The following MACROD1 variants were observed in gnomAD, a reference collection of about 807,000 sequenced individuals.
MACROD1 encodes the protein ADP-ribose glycohydrolase MACROD1.
A neutral mutation model predicts 41.4 loss-of-function variants in MACROD1; 31 were observed. The ratio of observed to expected loss-of-function variants is 0.75; its 90% CI spans 0.56 to 1.01. The LOEUF is 1.01. Among genes scored for constraint, MACROD1 ranks in the 50% least tolerant of loss-of-function variants. MACROD1 has a pLI of 0.00. For missense variants in MACROD1, 473 were observed against 460.0 expected, an observed-to-expected ratio of 1.03 and a Z score of -0.26; for synonymous variants, 252 against 203.4, an observed-to-expected ratio of 1.24 and a Z score of -2.03.
intron 3 of MACROD1, among the ~76,000 whole-genome samples, chr11:64,049,662 G>A (rs1182391450): frequency 1.3e-5 from 2 of 152,232 alleles, no homozygotes; most frequent in African/African-American, 2.4e-5. Flanking sequence ...GGTGGACGCT[G>A]GGGGTGCAGA....
intron 3 of MACROD1, among the ~76,000 whole-genome samples, chr11:64,125,474 C>G (rs1255024179): frequency 1.3e-5 from 2 of 152,260 alleles, no homozygotes; most frequent in Non-Finnish European, 2.9e-5. Context: ...CTCCTCCTCT[C>G]ACTTCCTCCC....
chr11:64,019,793 G>T (rs1374771283), intron 3 of MACROD1, among the ~76,000 whole-genome samples: 1 of 152,198 alleles, frequency 6.6e-6, no homozygotes, highest in Admixed American at 6.5e-5. Flanking sequence ...GAGGGGAATG[G>T]GGGCGTGTGG....
Position 64,122,844 on chromosome 11 carries a change from C to G in MACROD1, c.517+28395G>C, listed in dbSNP as rs916340439. ...CCTGAGCAGAGGACAGGCTGGGACC[C>G]AAGGCTGCCTCGGAACCTGTGCCTC... On this transcript the variant is annotated intron_variant, in intron 3 of 10. Coordinates refer to ENST00000255681, the MANE Select transcript of MACROD1 (RefSeq NM_014067.4). This position sits in a 1 kb window ranked among gnomAD's most constrained non-coding sequence, Gnocchi z 4.0. 4.6e-5 allele frequency among the ~76,000 whole-genome samples: 7 copies of G among 152,156 alleles called. No homozygotes were observed. Among genetic ancestry groups the G allele is most frequent in the African/African-American group, 1.4e-4 (6 of 41,444 alleles).
chr11:64,105,282 C>T (rs570656780), intron 3 of MACROD1, among the ~76,000 whole-genome samples: 2 of 152,280 alleles, frequency 1.3e-5, no homozygotes, highest in South Asian at 2.1e-4. Context: ...TAGGAGGGCT[C>T]GGGGGTCATT....
At chr11:64,134,745 A>G (rs2134665820) in intron 3 of MACROD1, among the ~76,000 whole-genome samples, 1 of 152,350 alleles carries the variant, frequency 6.6e-6, no homozygotes, top group South Asian at 2.1e-4. Flanking sequence ...TTTCTTGATT[A>G]CTTGCGAAGT....
chr11:64,112,924 C>A (rs566098856), intron 3 of MACROD1, among the ~76,000 whole-genome samples: 1 of 152,226 alleles, frequency 6.6e-6, no homozygotes, highest in African/African-American at 2.4e-5. Flanking sequence ...ACATTCACCA[C>A]GGCAGGGCCC....
At chr11:64,130,144 G>A (rs1321298316) in intron 3 of MACROD1, among the ~76,000 whole-genome samples, 2 of 152,010 alleles carry the variant, frequency 1.3e-5, no homozygotes, top group Non-Finnish European at 2.9e-5. Context: ...AAGCCACTTT[G>A]GGCCCTTTCC....
At chr11:64,005,772 T>A (rs1406137627) in intron 4 of MACROD1, among the ~76,000 whole-genome samples, 4 of 152,226 alleles carry the variant, frequency 2.6e-5, no homozygotes, top group Non-Finnish European at 4.4e-5. Context: ...CCCCAGGGAC[T>A]GGCTGCACTG....
intron 3 of MACROD1, among the ~76,000 whole-genome samples, chr11:64,057,948 G>A (rs895384936): frequency 1.3e-5 from 2 of 152,174 alleles, no homozygotes; most frequent in Non-Finnish European, 2.9e-5. Flanking sequence ...CCACCCCTGG[G>A]CTCCCAAGAC....
At chr11:64,125,485 C>T (rs1186632767) in intron 3 of MACROD1, among the ~76,000 whole-genome samples, 2 of 152,230 alleles carry the variant, frequency 1.3e-5, no homozygotes, top group African/African-American at 2.4e-5. Context: ...ACTTCCTCCC[C>T]AGTTGCCATC....
At chr11:63,999,462 C>T in intron 7 of MACROD1, 58 bp from the exon 8 acceptor site, 1 of 1,562,970 alleles carries the variant, frequency 6.4e-7, no homozygotes, top group Non-Finnish European at 8.7e-7. Context: ...CTCCCCTGTC[C>T]GCCCCGGCCC....
rs1255987949 is a variant in MACROD1 at position 64,067,323 on chromosome 11, C to T, written c.518-52042G>A. ...CCTCCTCCCCACTGCTCAGCCTCTC[C>T]CGGAGGATGGTGAGGGGGGAATCCA... On this transcript the variant is annotated intron_variant, in intron 3 of 10. Transcript: ENST00000255681. The surrounding 1 kb of genome is among the most constrained non-coding windows in gnomAD (Gnocchi z 4.6). 1.3e-5 allele frequency among the ~76,000 whole-genome samples: 2 copies of T among 152,126 alleles called. No individual in the cohort carries two copies. Among genetic ancestry groups the T allele is most frequent in the Non-Finnish European group, 2.9e-5 (2 of 68,014 alleles).
intron 3 of MACROD1, among the ~76,000 whole-genome samples, chr11:64,141,060 A>G (rs1294506511): frequency 6.6e-6 from 1 of 152,184 alleles, no homozygotes; most frequent in Non-Finnish European, 1.5e-5. Flanking sequence ...GCTTGAGCCC[A>G]GGAGGTCAAG....
At chr11:64,093,327 G>T (rs987460682) in intron 3 of MACROD1, among the ~76,000 whole-genome samples, 4 of 152,236 alleles carry the variant, frequency 2.6e-5, no homozygotes, top group African/African-American at 7.2e-5. Context: ...CACTGCTGCG[G>T]ACACAGTCCT....
chr11:64,065,764 T>A (rs1390448415), intron 3 of MACROD1, among the ~76,000 whole-genome samples: 3 of 127,750 alleles, frequency 2.3e-5, no homozygotes, highest in Admixed American at 1.0e-4. Flanking sequence ...CACTCCAGCC[T>A]GGGCGACAGA....
intron 3 of MACROD1, among the ~76,000 whole-genome samples, chr11:64,065,827 C>G (rs1590860937): frequency 6.6e-6 from 1 of 151,644 alleles, no homozygotes; most frequent in South Asian, 2.1e-4. Flanking sequence ...CAAGGAGACT[C>G]CCCCTCTCTC....
chr11:64,020,720 G>A lies in MACROD1; in HGVS notation c.518-5439C>T, dbSNP rs193016850. ...TCACTGCCTCCAGAATCCCCTCCCA[G>A]GTGCCTATCTTTTTTTTGGAAATGA... On this transcript the variant is annotated intron_variant, in intron 3 of 10. Coordinates refer to ENST00000255681, the MANE Select transcript of MACROD1 (RefSeq NM_014067.4). Among the ~76,000 whole-genome samples the A allele has an allele frequency of 2.5e-3, 380 of 152,048 alleles. 2 individuals are homozygous for A. Among genetic ancestry groups the A allele is most frequent in the African/African-American group, 8.8e-3 (366 of 41,462 alleles).
chr11:64,115,381 C>CT lies in MACROD1; in HGVS notation c.517+35857dup, dbSNP rs111536886. On this transcript the variant is annotated intron_variant, in intron 3 of 10. Transcript: ENST00000255681. ...CCTTTAAGTGCAAGAAAACAGACCACTTTTTTTTTTTTTGAATAGCTGAAA... is the reference window on the plus strand; with the variant it reads ...CCTTTAAGTGCAAGAAAACAGACCACTTTTTTTTTTTTTTGAATAGCTGAAA... 3.3e-3 allele frequency among the ~76,000 whole-genome samples: 486 copies of CT among 145,816 alleles called. 1 individual carries two copies. Among genetic ancestry groups the CT allele is most frequent in the South Asian group, 0.027 (126 of 4,624 alleles).
intron 3 of MACROD1, among the ~76,000 whole-genome samples, chr11:64,121,944 A>G (rs907122937): frequency 6.6e-6 from 1 of 151,160 alleles, no homozygotes; most frequent in Admixed American, 6.6e-5. Context: ...TTTCTATTAC[A>G]TGGCAATTTT....
Sources: allele counts gnomAD v4.1 joint callset (sites outside exome capture counted in the v4.1 genomes callset), GRCh38; gene constraint gnomAD v4.1.1; non-coding constraint Gnocchi (gnomAD v3.1); transcripts MANE v1.5; gene names NCBI Gene and HGNC (gene_info 2026-07-23, HGNC 2026-07-21).